The following SLC47A2 variants were observed in gnomAD, a reference collection of about 807,000 sequenced individuals.
SLC47A2 encodes multidrug and toxin extrusion protein 2.
SLC47A2 carries 52 observed loss-of-function variants against 67.7 expected under a neutral mutation model. That is an observed-to-expected ratio of 0.77 (90% CI 0.61 to 0.97). The LOEUF is 0.97. Among genes scored for constraint, SLC47A2 ranks in the 50% least tolerant of loss-of-function variants. The pLI is 0.00. For missense variants in SLC47A2, 676 were observed against 712.3 expected, an observed-to-expected ratio of 0.95 and a Z score of 0.58; for synonymous variants, 278 against 292.9, an observed-to-expected ratio of 0.95 and a Z score of 0.52.
chr17:19,710,847 T>A (rs138926810), intron 5 of SLC47A2, among the ~76,000 whole-genome samples: 1 of 147,928 alleles, frequency 6.8e-6, no homozygotes, highest in East Asian at 2.0e-4. Context: ...GGAGTTTCAC[T>A]CTTGTGAGGC....
intron 1 of SLC47A2, chr17:19,715,895 G>A (rs2086252244): frequency 6.5e-6 from 1 of 153,680 alleles, no homozygotes; most frequent in African/African-American, 2.4e-5. Flanking sequence ...TAGTAGAGTC[G>A]GGGGGTTCTC....
At chr17:19,678,963 G>A in intron 16 of SLC47A2, 57 bp from the exon 17 acceptor site, 1 of 1,492,900 alleles carries the variant, frequency 6.7e-7, no homozygotes, top group Non-Finnish European at 9.1e-7. Context: ...GAGAGCTTTG[G>A]CCTTGGAATC....
At position 19,715,134 on chromosome 17, in the gene SLC47A2, C is replaced by A; in HGVS notation, c.207G>T (p.Ser69=). ...TACTCACGGCCACCGCGAGGGTCACCGATGCCAGCTCCACCTTGCCCAGGT... is the reference window on the plus strand; with the variant it reads ...TACTCACGGCCACCGCGAGGGTCACAGATGCCAGCTCCACCTTGCCCAGGT... ...CGHLGKVELA[S]VTLAVAFVNV... is the part of the protein sequence containing the mutation. Residue 69 remains serine, a synonymous_variant, in exon 2 of 17, where the codon TCG becomes TCT. Coordinates refer to ENST00000433844, the MANE Select transcript of SLC47A2 (RefSeq NM_001099646.3). 1 of 1,612,362 alleles carries A rather than the reference C, an allele frequency of 6.2e-7. No individual in the cohort carries two copies. Among genetic ancestry groups the A allele is most frequent in the Non-Finnish European group, 8.5e-7 (1 of 1,180,000 alleles).
rs116814347 is a variant in SLC47A2 at position 19,680,148 on chromosome 17, A to C, written c.1393-109T>G. 9.5e-5 allele frequency: 94 copies of C among 990,668 alleles called. No individual in the cohort carries two copies. In the African/African-American group the frequency reaches 1.5e-3, roughly 15 times the overall value. 61.4% of individuals were successfully genotyped at this position (990,668 alleles called of 1,614,324 possible). A position where few individuals can be genotyped will look rare whatever the true frequency, so the allele number is the denominator to read the frequency against. On this transcript the variant is annotated intron_variant, in intron 15 of 16. Transcript: ENST00000433844. ...AAAACATTGCAAGCTGAAGCAGCAT[A>C]TATGCATGTATTCATAGTCATGGGG...
intron 3 of SLC47A2, chr17:19,714,407 A>G (rs937739973): frequency 6.2e-6 from 3 of 487,648 alleles, no homozygotes; most frequent in East Asian, 7.1e-5. Flanking sequence ...GCCTGCATGT[A>G]GGCAGCCGAA....
In SLC47A2 at chr17:19,678,725, C is replaced by A. The variant is rs1240157801; in HGVS notation, c.1662G>T (p.Met554Ile). Residue 554 changes from methionine to isoleucine, a missense_variant, in exon 17 of 17, where the codon ATG becomes ATT. Physicochemically the swap from Met to Ile is conservative, Grantham distance 10. Transcript: ENST00000433844. Reference protein sequence around the residue: ...AALGAASATLMVGLTVRILAT... With the variant: ...AALGAASATLIVGLTVRILAT... ...CTAGGATCCTGACCGTGAGCCCCAC[C>A]ATCAGTGTGGCTGACGCCGCCCCCA... is the stretch of plus-strand genomic sequence containing the variant. The A allele has an allele frequency of 4.3e-6, 7 of 1,613,606 alleles. No individual in the cohort carries two copies. The South Asian group carries it at 7.7e-5, about 18-fold the overall frequency.
intron 4 of SLC47A2, among the ~76,000 whole-genome samples, 183 bp from the exon 5 acceptor site, chr17:19,712,928 C>T (rs953222342): frequency 2.0e-5 from 3 of 151,908 alleles, no homozygotes; most frequent in Non-Finnish European, 2.9e-5. Flanking sequence ...GAGGGGCAGC[C>T]GAAACACCCA....
chr17:19,707,391 G>C (rs9901772), intron 8 of SLC47A2, among the ~76,000 whole-genome samples: 5,980 of 152,256 alleles, frequency 0.039, 276 homozygotes, highest in African/African-American at 0.12. Flanking sequence ...AATGAGGTGG[G>C]GTGAGGTTTA....
chr17:19,705,596 G>A (rs1421436747), intron 9 of SLC47A2, 93 bp from the exon 10 acceptor site: 3 of 1,234,570 alleles, frequency 2.4e-6, no homozygotes, highest in Non-Finnish European at 3.3e-6. Flanking sequence ...GGACTCAGGG[G>A]CTTTTTTTTT....
chr17:19,704,106 C>T lies in SLC47A2; in HGVS notation c.982G>A (p.Ala328Thr). ...ACGCCCGAGACGGCCGAGCGCTTGG[C>T]CTGCACAGTATCCGCAGCCCCCAGA... is the stretch of plus-strand genomic sequence containing the variant. The part of the protein sequence containing the change: ...MALGAADTVQ[A>T]KRSAVSGVLS... Residue 328 changes from alanine (A) to threonine (T), a missense_variant, in exon 11 of 17, where the codon GCC becomes ACC. By Grantham distance (58) the Ala-to-Thr change is moderately conservative. Coordinates refer to ENST00000433844, the MANE Select transcript of SLC47A2 (RefSeq NM_001099646.3). The T allele has an allele frequency of 1.9e-6, 3 of 1,611,858 alleles. No homozygotes were observed. The highest frequency in any genetic ancestry group is 8.5e-7 in the Non-Finnish European group (1 of 1,179,788).
upstream of SLC47A2, chr17:19,718,488 T>C (rs1027747386): frequency 2.0e-5 from 3 of 152,284 alleles, no homozygotes; most frequent in Non-Finnish European, 4.4e-5. Flanking sequence ...TGACCAGTGT[T>C]CAGCACTCAG....
rs564092010 is a variant in SLC47A2, at chr17:19,685,803, C to CTAAATAAA, written c.1165-4141_1165-4134dup. Among the ~76,000 whole-genome samples the CTAAATAAA allele has an allele frequency of 4.0e-5, 6 of 151,874 alleles. No individual in the cohort carries two copies. The highest frequency in any genetic ancestry group is 1.9e-4 in the East Asian group (1 of 5,192). ...AACACCCAAAAATGATCAATAAATA[C>CTAAATAAA]TAAATAAATAAATAAATAAATAAAC... On this transcript the variant is annotated intron_variant, in intron 13 of 16. Transcript: ENST00000433844. The surrounding 1 kb of genome is among the most constrained non-coding windows in gnomAD (Gnocchi z 4.5).
intron 13 of SLC47A2, among the ~76,000 whole-genome samples, chr17:19,686,216 C>CT (rs767614703): frequency 1.1e-4 from 17 of 152,224 alleles, no homozygotes; most frequent in Non-Finnish European, 1.8e-4. Context: ...GAGCCAAGAT[C>CT]ACACCATTGC....
chr17:19,705,529 C>A, intron 9 of SLC47A2, 26 bp from the exon 10 acceptor site: 1 of 1,601,230 alleles, frequency 6.2e-7, no homozygotes. Context: ...GCCGTGAGTC[C>A]GGCCCGCAGC....
At chr17:19,692,761 ACAGACT>A (rs1267653322) in intron 13 of SLC47A2, among the ~76,000 whole-genome samples, 8 of 152,238 alleles carry the variant, frequency 5.3e-5, no homozygotes, top group Non-Finnish European at 1.2e-4. Flanking sequence ...CCTCATGAAC[ACAGACT>A]CAGAATTTTT....
intron 13 of SLC47A2, among the ~76,000 whole-genome samples, chr17:19,686,305 C>A (rs1381478351): frequency 6.6e-6 from 1 of 151,952 alleles, no homozygotes; most frequent in Non-Finnish European, 1.5e-5. Context: ...AGCCTCAAAT[C>A]AAAAACCTAC....
At chr17:19,700,279 T>C (rs1483086163) in intron 13 of SLC47A2, among the ~76,000 whole-genome samples, 1 of 152,138 alleles carries the variant, frequency 6.6e-6, no homozygotes, top group Non-Finnish European at 1.5e-5. Flanking sequence ...TTACAAAATA[T>C]AAAAATAAGG....
At chr17:19,714,583 G>T in intron 3 of SLC47A2, 138 bp downstream of exon 3, 1 of 921,780 alleles carries the variant, frequency 1.1e-6, no homozygotes, top group Non-Finnish European at 1.7e-6. Context: ...CTTGGAGGTA[G>T]GGCAGGGGCA....
intron 5 of SLC47A2, among the ~76,000 whole-genome samples, chr17:19,711,474 C>T (rs1443739108): frequency 3.3e-5 from 5 of 151,012 alleles, no homozygotes; most frequent in African/African-American, 1.2e-4. Context: ...TGCCTGTAAT[C>T]CCAGCTACTC....
Sources: allele counts gnomAD v4.1 joint callset (sites outside exome capture counted in the v4.1 genomes callset), GRCh38; gene constraint gnomAD v4.1.1; non-coding constraint Gnocchi (gnomAD v3.1); transcripts MANE v1.5; gene names NCBI Gene and HGNC (gene_info 2026-07-23, HGNC 2026-07-21).